Variants in DOCK9 observed in about 807,000 individuals in gnomAD.
The protein encoded by DOCK9 is dedicator of cytokinesis 9, also known as dedicator of cytokinesis protein 9.
A neutral mutation model predicts 263.3 loss-of-function variants in DOCK9; 89 were observed. That is an observed-to-expected ratio of 0.34 (90% confidence interval 0.28 to 0.40). The LOEUF (loss-of-function observed/expected upper bound fraction) is 0.40. Among genes scored for constraint, DOCK9 ranks in the 10% least tolerant of loss-of-function variants. DOCK9 has a pLI of 1.00. For missense variants in DOCK9, 2,140 were observed against 2,603.4 expected (o/e 0.82, Z 3.87); for synonymous variants, 976 against 973.1 (o/e 1.00, Z -0.06).
intron 1 of DOCK9, among the ~76,000 whole-genome samples, chr13:98,973,442 C>T (rs1447705156): frequency 6.6e-6 from 1 of 152,200 alleles, no homozygotes; most frequent in Non-Finnish European, 1.5e-5. Context: ...CCTACTACTA[C>T]TTTCTACATC....
chr13:99,050,142 A>C (rs1015375862), intron 1 of DOCK9, among the ~76,000 whole-genome samples: 1 of 152,254 alleles, frequency 6.6e-6, no homozygotes, highest in Non-Finnish European at 1.5e-5. Flanking sequence ...CATGGACAGC[A>C]AGTAAAAACA....
chr13:99,020,672 T>C (rs1263283739), intron 1 of DOCK9, among the ~76,000 whole-genome samples: 1 of 152,204 alleles, frequency 6.6e-6, no homozygotes, highest in Non-Finnish European at 1.5e-5. Flanking sequence ...ACTACTCTTC[T>C]AGAAACATGT....
At chr13:99,056,294 T>G (rs2040919427) in intron 1 of DOCK9, among the ~76,000 whole-genome samples, 1 of 143,228 alleles carries the variant, frequency 7.0e-6, no homozygotes, top group Non-Finnish European at 1.5e-5. Flanking sequence ...CATTGCTTGT[T>G]TGACATTGTT....
At chr13:98,798,064 C>T (rs1264436563) in intron 50 of DOCK9, among the ~76,000 whole-genome samples, 4 of 152,134 alleles carry the variant, frequency 2.6e-5, no homozygotes, top group African/African-American at 7.2e-5. Context: ...GCAGACAGCA[C>T]GGTGAGTGAA....
chr13:99,046,234 C>T lies in DOCK9; in HGVS notation c.129+39989G>A, dbSNP rs114639284. ...AGGCTCAGCACGGGGCAGAACAAGC[C>T]GAGCGACCTCCCACCTGGCATATCT... On this transcript the variant is annotated intron_variant, in intron 1 of 32. Coordinates refer to the DOCK9 transcript ENST00000427887. Among the ~76,000 whole-genome samples the T allele has an allele frequency of 4.8e-3, 729 of 152,320 alleles. 8 individuals carry two copies. Among genetic ancestry groups the T allele is most frequent in the African/African-American group, 0.017 (689 of 41,568 alleles).
intron 1 of DOCK9, among the ~76,000 whole-genome samples, chr13:99,001,036 C>T (rs1882192520): frequency 2.0e-5 from 3 of 152,186 alleles, no homozygotes; most frequent in African/African-American, 7.2e-5. Context: ...TCCCCAAATA[C>T]ACCCTTACCC....
At chr13:98,928,193 T>G (rs1461361046) in intron 3 of DOCK9, among the ~76,000 whole-genome samples, 1 of 152,086 alleles carries the variant, frequency 6.6e-6, no homozygotes, top group African/African-American at 2.4e-5. Context: ...GATAAGGAGT[T>G]CCATCAGAAA....
chr13:99,086,754 G>T (rs1215152164), upstream of DOCK9: 7 of 147,870 alleles, frequency 4.7e-5, no homozygotes, highest in South Asian at 1.2e-3. Context: ...CCGCCGCGGC[G>T]GGACGGCGGG....
At position 98,915,545 on chromosome 13, in the gene DOCK9, T is replaced by C. The variant is rs2139906121; in HGVS notation, c.718-42A>G. Reference sequence around the variant, plus strand: ...ATAAACAGACATACTTTAAAAGAATTAGAACTGCTTTAAAATAATTACTCT... The same window carrying C: ...ATAAACAGACATACTTTAAAAGAATCAGAACTGCTTTAAAATAATTACTCT... On this transcript the variant is annotated intron_variant, in intron 7 of 52. Coordinates refer to ENST00000682017, the MANE Select transcript of DOCK9 (RefSeq NM_001366683.2). 3 of 1,544,040 alleles carry C rather than the reference T, an allele frequency of 1.9e-6. No homozygotes were observed. In the East Asian group the frequency reaches 6.9e-5, roughly 35 times the overall value.
In DOCK9 at chr13:98,949,233, C is replaced by T. The variant is rs117443969; in HGVS notation, c.243+6202G>A. On this transcript the variant is annotated intron_variant, in intron 2 of 52. Transcript: ENST00000682017. ...GACCACAGGTTTGCGCCACCATGCC[C>T]GGCTAATTTTTTCTTTTTTTCCAGA... Among the ~76,000 whole-genome samples, 625 of 152,240 alleles carry T rather than the reference C, an allele frequency of 4.1e-3. 3 individuals carry two copies. The highest frequency in any genetic ancestry group is 6.9e-3 in the South Asian group (33 of 4,816).
intron 49 of DOCK9, among the ~76,000 whole-genome samples, chr13:98,802,605 C>T (rs1466162936): frequency 6.6e-6 from 1 of 152,186 alleles, no homozygotes; most frequent in Admixed American, 6.5e-5. Context: ...GGCTTCTCCT[C>T]GCCCCCCTTC....
intron 1 of DOCK9, among the ~76,000 whole-genome samples, chr13:99,064,130 A>G (rs1010969447): frequency 6.6e-6 from 1 of 152,236 alleles, no homozygotes; most frequent in African/African-American, 2.4e-5. Context: ...CTGGTCAAAG[A>G]TGTAAATCAA....
intron 1 of DOCK9, among the ~76,000 whole-genome samples, chr13:99,023,981 T>C (rs1159253220): frequency 6.6e-6 from 1 of 152,172 alleles, no homozygotes; most frequent in Non-Finnish European, 1.5e-5. Context: ...ACAAATACAA[T>C]GTACACAGGT....
intron 1 of DOCK9, chr13:99,015,623 T>C (rs546017142): frequency 3.2e-6 from 5 of 1,579,896 alleles, no homozygotes; most frequent in East Asian, 2.2e-5. Context: ...AAGGTGTGGA[T>C]GTTCAGTTTT....
chr13:98,845,333 G>A (rs775277989), intron 38 of DOCK9: 3 of 1,361,440 alleles, frequency 2.2e-6, no homozygotes, highest in Non-Finnish European at 2.9e-6. Context: ...TCTTACCATT[G>A]TCTACAGAAA....
chr13:98,970,500 G>C lies in DOCK9; in HGVS notation c.126+7284C>G, dbSNP rs146105319. Among the ~76,000 whole-genome samples, 4 of 152,320 alleles carry C rather than the reference G, an allele frequency of 2.6e-5. No individual in the cohort carries two copies. The East Asian group carries it at 7.7e-4, about 29-fold the overall frequency. On this transcript the variant is annotated intron_variant, in intron 1 of 52. Coordinates refer to ENST00000682017, the MANE Select transcript of DOCK9 (RefSeq NM_001366683.2). Reference sequence around the variant, plus strand: ...CCAAGTGAGCCTCCTGTGAGTGAGTGCTGGCTCTCTGCATCGCTTGCTGCT... The same window carrying C: ...CCAAGTGAGCCTCCTGTGAGTGAGTCCTGGCTCTCTGCATCGCTTGCTGCT...
In DOCK9 at chr13:98,794,743, G is replaced by A. The variant is rs374223923; in HGVS notation, c.6162C>T (p.Cys2054=). The change falls in exon 53 of 53, where the codon TGC becomes TGT. Residue 2054 remains cysteine, a synonymous_variant. Transcript: ENST00000682017. The part of the protein sequence containing the change: ...ELSEIMHEQI[C]PLEEKTSVLP... ...AGACGCTCGTCTTCTCCTCCAGGGG[G>A]CAGATCTTGAGGACAGAAACACAAC... The A allele has an allele frequency of 3.8e-5, 61 of 1,613,812 alleles. No homozygotes were observed. The highest frequency in any genetic ancestry group is 4.7e-5 in the Non-Finnish European group (56 of 1,179,844).
intron 1 of DOCK9, among the ~76,000 whole-genome samples, chr13:99,081,143 G>A (rs2042106425): frequency 6.6e-6 from 1 of 152,222 alleles, no homozygotes; most frequent in African/African-American, 2.4e-5. Context: ...AAACAGTGCA[G>A]AGAAGCCCTG....
intron 1 of DOCK9, among the ~76,000 whole-genome samples, chr13:99,031,381 T>C (rs9513535): frequency 0.15 from 23,002 of 152,268 alleles, 2,436 homozygotes; most frequent in East Asian, 0.43. Context: ...ATCTGAAATA[T>C]GAGCCAGGGC....
Sources: gnomAD v4.1 joint callset for allele counts (sites outside exome capture counted in the v4.1 genomes callset) on GRCh38, gnomAD v4.1.1 for gene constraint, MANE v1.5 for transcripts, NCBI Gene and HGNC (gene_info 2026-07-23, HGNC 2026-07-21) for gene names.